SPECC1: variants seen among roughly 807,000 people sequenced by gnomAD.
SPECC1 encodes sperm antigen with calponin homology and coiled-coil domains 1.
A neutral mutation model predicts 104.1 loss-of-function variants in SPECC1; 62 were observed. The ratio of observed to expected loss-of-function variants is 0.60; its 90% confidence interval spans 0.49 to 0.74. The LOEUF is 0.74. Among genes scored for constraint, SPECC1 ranks in the 30% least tolerant of loss-of-function variants. The pLI is 0.00. For synonymous variants in SPECC1, 513 were observed against 501.6 expected (o/e 1.02, Z -0.30); for missense variants, 1,306 against 1,310.5 (o/e 1.00, Z 0.05).
rs569145277 is a variant in SPECC1 at position 20,280,093 on chromosome 17, G to T, written c.2941-16868G>T. Among the ~76,000 whole-genome samples, 6 of 152,302 alleles carry T rather than the reference G, an allele frequency of 3.9e-5. No homozygotes were observed. The South Asian group carries it at 1.2e-3, about 32-fold the overall frequency. ...GGATTCCACCTGTGTGCAGAGAGGTGCATGGGAGGACAATTATCGCAGTAC... is the reference window on the plus strand; with the variant it reads ...GGATTCCACCTGTGTGCAGAGAGGTTCATGGGAGGACAATTATCGCAGTAC... On this transcript the variant is annotated intron_variant, in intron 12 of 14. Transcript: ENST00000395527.
At chr17:20,139,665 T>A (rs978289027) in intron 3 of SPECC1, among the ~76,000 whole-genome samples, 1 of 152,138 alleles carries the variant, frequency 6.6e-6, no homozygotes, top group Non-Finnish European at 1.5e-5. Flanking sequence ...ATCTTACACT[T>A]CTTATTTATT....
At chr17:20,012,189 A>AT in intron 1 of SPECC1, among the ~76,000 whole-genome samples, 1 of 152,270 alleles carries the variant, frequency 6.6e-6, no homozygotes, top group South Asian at 2.1e-4. Flanking sequence ...GAACAGATTA[A>AT]TTTGCAGTCC....
At chr17:20,110,687 C>A in intron 3 of SPECC1, 125 bp downstream of exon 3, 2 of 1,206,026 alleles carry the variant, frequency 1.7e-6, no homozygotes, top group East Asian at 2.8e-5. Flanking sequence ...TACCCTGGGC[C>A]GGAACTGTTT....
At chr17:20,132,723 A>T (rs1467690561) in intron 3 of SPECC1, among the ~76,000 whole-genome samples, 1 of 149,568 alleles carries the variant, frequency 6.7e-6, no homozygotes, top group East Asian at 1.9e-4. Flanking sequence ...TTATTTATTT[A>T]TTTATTTATT....
At chr17:20,167,207 A>G (rs1357717373) in intron 3 of SPECC1, among the ~76,000 whole-genome samples, 2 of 148,190 alleles carry the variant, frequency 1.3e-5, no homozygotes, top group African/African-American at 4.9e-5. Flanking sequence ...ATGTGTTTAT[A>G]TATATACTAT....
intron 1 of SPECC1, among the ~76,000 whole-genome samples, chr17:20,012,126 A>C (rs767480573): frequency 1.2e-4 from 18 of 152,108 alleles, no homozygotes; most frequent in Non-Finnish European, 2.1e-4. Flanking sequence ...TGTAGCTGGA[A>C]GGTTTTTAGG....
intron 13 of SPECC1, among the ~76,000 whole-genome samples, chr17:20,302,995 C>T (rs1016547577): frequency 4.7e-5 from 7 of 149,742 alleles, no homozygotes; most frequent in Non-Finnish European, 1.0e-4. Context: ...TTAGACCTTA[C>T]TAGTAATCAA....
intron 3 of SPECC1, among the ~76,000 whole-genome samples, chr17:20,177,691 A>G (rs2034566339): frequency 6.6e-6 from 1 of 152,110 alleles, no homozygotes; most frequent in African/African-American, 2.4e-5. Flanking sequence ...GTTAGATTCA[A>G]TATTTTTGTA....
intron 3 of SPECC1, among the ~76,000 whole-genome samples, chr17:20,197,002 CAATT>C (rs535903504): frequency 1.4e-4 from 22 of 152,090 alleles, no homozygotes; most frequent in Non-Finnish European, 3.1e-4. Flanking sequence ...TTGTTTCAGC[CAATT>C]AGACTTCTTT....
chr17:20,169,951 C>A (rs1249071862), intron 3 of SPECC1, among the ~76,000 whole-genome samples: 1 of 152,170 alleles, frequency 6.6e-6, no homozygotes, highest in African/African-American at 2.4e-5. Flanking sequence ...CAGATCAAAC[C>A]AGCCTATGTA....
Position 20,314,313 on chromosome 17 carries a change from A to T in SPECC1, c.*248A>T. ...GATCTCTTGTGGGATGCTTCTAAAG[A>T]GGGCAGCCTCCCTCCTTCCAGACCA... On this transcript the variant is annotated 3_prime_UTR_variant, in exon 15 of 15. Transcript: ENST00000395527. 1 of 509,420 alleles carries T rather than the reference A, an allele frequency of 2.0e-6. No homozygotes were observed. Among genetic ancestry groups the T allele is most frequent in the Non-Finnish European group, 3.6e-6 (1 of 280,104 alleles). The allele number at this position is 509,420 out of a possible 1,614,324, so 31.6% of individuals were successfully genotyped here. A position where few individuals can be genotyped will look rare whatever the true frequency, so the allele number is the denominator to read the frequency against.
At chr17:20,150,121 C>T (rs1318410051) in intron 3 of SPECC1, among the ~76,000 whole-genome samples, 17 of 151,392 alleles carry the variant, frequency 1.1e-4, no homozygotes, top group African/African-American at 3.6e-4. Flanking sequence ...TACAGGCGCC[C>T]GCCACCACGC....
chr17:20,167,363 A>T (rs1362988574), intron 3 of SPECC1, among the ~76,000 whole-genome samples: 3 of 152,122 alleles, frequency 2.0e-5, no homozygotes, highest in Non-Finnish European at 2.9e-5. Flanking sequence ...TATTCTTGGA[A>T]GATGTCACAA....
At chr17:20,116,867 A>G (rs2048786927) in intron 3 of SPECC1, among the ~76,000 whole-genome samples, 1 of 122,072 alleles carries the variant, frequency 8.2e-6, no homozygotes, top group Admixed American at 1.2e-4. Context: ...ACTGCCATCT[A>G]GTGGGTAGAA....
At chr17:20,137,058 C>A (rs968633126) in intron 3 of SPECC1, among the ~76,000 whole-genome samples, 5 of 152,246 alleles carry the variant, frequency 3.3e-5, no homozygotes, top group African/African-American at 1.2e-4. Flanking sequence ...TTTGCCTTCA[C>A]CATCGGAAAC....
chr17:20,105,916 G>A (rs2048178891), intron 2 of SPECC1, among the ~76,000 whole-genome samples: 1 of 152,234 alleles, frequency 6.6e-6, no homozygotes, highest in African/African-American at 2.4e-5. Context: ...TTTCACTTCT[G>A]TTCCCAGTAG....
At chr17:20,189,225 CTG>C (rs1361533463) in intron 3 of SPECC1, among the ~76,000 whole-genome samples, 1 of 152,196 alleles carries the variant, frequency 6.6e-6, no homozygotes, top group Non-Finnish European at 1.5e-5. Flanking sequence ...TGCCTGGAGA[CTG>C]TGGGCTTTAT....
intron 1 of SPECC1, chr17:20,067,400 C>A (rs1157948405): frequency 6.6e-6 from 1 of 152,160 alleles, no homozygotes; most frequent in Non-Finnish European, 1.5e-5. Flanking sequence ...GCCTCGGCCT[C>A]CCAAAGTGCT....
rs1212479496 is a variant in SPECC1 at position 20,318,396 on chromosome 17, T to G, written c.*4331T>G. 2 of 231,582 alleles carry G rather than the reference T, an allele frequency of 8.6e-6. No homozygotes were observed. Among genetic ancestry groups the G allele is most frequent in the Non-Finnish European group, 1.7e-5 (2 of 117,006 alleles). The allele number at this position is 231,582 out of a possible 1,614,324, so 14.3% of individuals were successfully genotyped here. On this transcript the variant is annotated 3_prime_UTR_variant, in exon 15 of 15. Transcript: ENST00000395527. ...TTTCCTTTTTCATTCAGTTTTTGTT[T>G]TACAGCTTTTGTAGAGACCAACCCA...
Sources: gnomAD v4.1 joint callset for allele counts (sites outside exome capture counted in the v4.1 genomes callset) on GRCh38, gnomAD v4.1.1 for gene constraint, MANE v1.5 for transcripts, NCBI Gene and HGNC (gene_info 2026-07-23, HGNC 2026-07-21) for gene names.